PDE8A: variants seen among roughly 807,000 people sequenced by gnomAD.
PDE8A encodes phosphodiesterase 8A, also known as high affinity cAMP-specific and IBMX-insensitive 3',5'-cyclic phosphodiesterase 8A.
A neutral mutation model predicts 105.0 loss-of-function variants in PDE8A; 59 were observed. The ratio of observed to expected loss-of-function variants is 0.56; its 90% CI spans 0.46 to 0.70. The LOEUF (loss-of-function observed/expected upper bound fraction) is 0.70. PDE8A is among the 30% of genes least tolerant of loss of function. The probability of loss-of-function intolerance (pLI) is 0.00; values close to 1 mark genes in which losing one functional copy is unlikely to be tolerated. For missense variants in PDE8A, 1,014 were observed against 1,045.9 expected, an observed-to-expected ratio of 0.97 and a Z score of 0.42; for synonymous variants, 355 against 371.9, an observed-to-expected ratio of 0.95 and a Z score of 0.52.
intron 1 of PDE8A, among the ~76,000 whole-genome samples, chr15:85,061,070 C>T (rs967567422): frequency 3.3e-5 from 5 of 151,772 alleles, no homozygotes; most frequent in Admixed American, 1.3e-4. Flanking sequence ...TTAATTCCTC[C>T]CTCACTTTTG....
intron 1 of PDE8A, among the ~76,000 whole-genome samples, chr15:85,032,196 A>T (rs190900045): frequency 1.7e-3 from 252 of 152,356 alleles, no homozygotes; most frequent in Non-Finnish European, 2.9e-3. Context: ...AAACTCACAG[A>T]CAGTAGACAA....
intron 7 of PDE8A, among the ~76,000 whole-genome samples, chr15:85,089,757 C>G (rs1210744901): frequency 1.1e-4 from 17 of 152,196 alleles, no homozygotes; most frequent in Admixed American, 1.1e-3. Context: ...GGGGAATGCC[C>G]TGACCATAGG....
At position 85,120,980 on chromosome 15, in the gene PDE8A, G is replaced by C; in HGVS notation, c.1918G>C (p.Asp640His). 6.2e-7 allele frequency: 1 copy of C among 1,612,526 alleles called. No homozygotes were observed. ...CTTGGCCTTCCAGCTGACCACTGGAGATGATAAATGCAATATATTTAAAAA... is the reference window on the plus strand; with the variant it reads ...CTTGGCCTTCCAGCTGACCACTGGACATGATAAATGCAATATATTTAAAAA... ...AALAFQLTTG[D>H]DKCNIFKNME... The change falls in exon 18 of 22, where the codon GAT (aspartate) becomes CAT (histidine). Residue 640 changes from aspartate to histidine, a missense_variant. Physicochemically the swap from Asp to His is moderately conservative, Grantham distance 81. Transcript: ENST00000394553.
intron 5 of PDE8A, among the ~76,000 whole-genome samples, chr15:85,080,072 G>A (rs1044581942): frequency 2.0e-5 from 3 of 152,150 alleles, no homozygotes; most frequent in African/African-American, 7.2e-5. Flanking sequence ...CATAGAGGTA[G>A]CAAGTAAATG....
At position 85,029,131 on chromosome 15, in the gene PDE8A, A is replaced by G. The variant is rs370846197; in HGVS notation, c.187-35239A>G. 4.6e-5 allele frequency among the ~76,000 whole-genome samples: 7 copies of G among 152,036 alleles called. No individual in the cohort carries two copies. In the East Asian group the frequency reaches 9.6e-4, roughly 21 times the overall value. ...AAAGGCCTCTCCTTTTTTTTGAACCATTTTTATTTATAGCTAATACTTCCA... is the reference window on the plus strand; with the variant it reads ...AAAGGCCTCTCCTTTTTTTTGAACCGTTTTTATTTATAGCTAATACTTCCA... On this transcript the variant is annotated intron_variant, in intron 1 of 21. Transcript: ENST00000394553.
In PDE8A at chr15:85,064,368, A is replaced by T. The variant is rs779290260; in HGVS notation, c.187-2A>T. The T allele has an allele frequency of 6.2e-7, 1 of 1,603,120 alleles. No individual in the cohort carries two copies. Among genetic ancestry groups the T allele is most frequent in the South Asian group, 1.1e-5 (1 of 90,316 alleles). ...ATTTTTAAGCCAATCTCTTTCTTAC[A>T]GGTAGCAGTAGCTGATGTGCAGTTT... On this transcript the variant is annotated splice_acceptor_variant, in intron 1 of 21. Coordinates refer to ENST00000394553, the MANE Select transcript of PDE8A (RefSeq NM_002605.3). LOFTEE classifies it high-confidence loss of function.
chr15:85,066,714 G>A (rs1363203728), intron 2 of PDE8A, among the ~76,000 whole-genome samples: 1 of 152,066 alleles, frequency 6.6e-6, no homozygotes, highest in Non-Finnish European at 1.5e-5. Flanking sequence ...TGAGGTGGGA[G>A]GATTACTTGA....
intron 19 of PDE8A, among the ~76,000 whole-genome samples, chr15:85,125,077 C>G (rs1175051511): frequency 2.0e-5 from 3 of 152,144 alleles, no homozygotes; most frequent in Admixed American, 2.0e-4. Context: ...AAAGAAGGGT[C>G]AGCACAGAGC....
intron 1 of PDE8A, among the ~76,000 whole-genome samples, chr15:85,052,182 A>G (rs1596473946): frequency 6.6e-6 from 1 of 152,186 alleles, no homozygotes; most frequent in African/African-American, 2.4e-5. Context: ...ATGGCATTCC[A>G]TGGTGTATAT....
At chr15:84,998,128 C>G (rs1406941246) in intron 1 of PDE8A, among the ~76,000 whole-genome samples, 1 of 152,170 alleles carries the variant, frequency 6.6e-6, no homozygotes, top group Non-Finnish European at 1.5e-5. Flanking sequence ...AGAAATCATT[C>G]CTGAGTGGGA....
rs370281755 is a variant in PDE8A at position 85,120,876 on chromosome 15, A to C, written c.1814A>C (p.Asn605Thr). 6.8e-6 allele frequency: 11 copies of C among 1,613,814 alleles called. No homozygotes were observed. The Middle Eastern group carries it at 5.0e-4, about 73-fold the overall frequency. ...IHDVDHPGRT[N>T]SFLCNAGSEL... ...GATGTGGATCACCCTGGGAGAACCA[A>C]CTCCTTCCTGTGTAATGCTGGAAGT... The change falls in exon 18 of 22, where the codon AAC becomes ACC. Residue 605 changes from asparagine to threonine, a missense_variant. Physicochemically the swap from Asn to Thr is moderately conservative, Grantham distance 65. Coordinates refer to ENST00000394553, the MANE Select transcript of PDE8A (RefSeq NM_002605.3).
chr15:85,136,487 G>A, intron 20 of PDE8A, 47 bp from the exon 21 acceptor site: 5 of 1,585,744 alleles, frequency 3.2e-6, no homozygotes, highest in Non-Finnish European at 3.4e-6. Context: ...CCTAGGTGGA[G>A]TGGAACCAGA....
intron 1 of PDE8A, among the ~76,000 whole-genome samples, chr15:85,055,313 A>G (rs981843484): frequency 1.3e-5 from 2 of 152,166 alleles, no homozygotes; most frequent in Non-Finnish European, 2.9e-5. Context: ...AGTTCTGTAG[A>G]TGTCTATTAG....
chr15:84,987,663 G>C (rs2079825655), intron 1 of PDE8A, among the ~76,000 whole-genome samples: 1 of 151,596 alleles, frequency 6.6e-6, no homozygotes, highest in Non-Finnish European at 1.5e-5. Flanking sequence ...ATTTAGTAGA[G>C]ATGGGGTTTC....
chr15:85,056,155 G>C (rs1017865506), intron 1 of PDE8A, among the ~76,000 whole-genome samples: 16 of 152,304 alleles, frequency 1.1e-4, no homozygotes, highest in Admixed American at 9.8e-4. Context: ...CTTCTGGCTT[G>C]TAGAGTTTCT....
intron 1 of PDE8A, among the ~76,000 whole-genome samples, chr15:85,049,173 A>G (rs181133530): frequency 2.6e-5 from 4 of 152,312 alleles, no homozygotes; most frequent in Non-Finnish European, 2.9e-5. Flanking sequence ...CTGATTTTAA[A>G]AAATATGGTA....
intron 1 of PDE8A, 47 bp downstream of exon 1, chr15:84,982,395 G>A (rs1408167072): frequency 8.0e-6 from 10 of 1,243,010 alleles, no homozygotes; most frequent in Non-Finnish European, 1.0e-5. Context: ...CTCGGGCCCG[G>A]CCAGTAAGCA....
At chr15:85,028,622 A>G (rs755280613) in intron 1 of PDE8A, among the ~76,000 whole-genome samples, 2 of 152,186 alleles carry the variant, frequency 1.3e-5, no homozygotes, top group African/African-American at 2.4e-5. Flanking sequence ...GTATTTCGCA[A>G]TTTGATAGAG....
chr15:85,065,324 G>A (rs1225439038), intron 2 of PDE8A, among the ~76,000 whole-genome samples: 1 of 123,190 alleles, frequency 8.1e-6, no homozygotes, highest in African/African-American at 3.1e-5. Flanking sequence ...ACACTCTGGG[G>A]ACTGTGGTGG....
Sources: gnomAD v4.1 joint callset for allele counts (sites outside exome capture counted in the v4.1 genomes callset) on GRCh38, gnomAD v4.1.1 for gene constraint, MANE v1.5 for transcripts, NCBI Gene and HGNC (gene_info 2026-07-23, HGNC 2026-07-21) for gene names.